Variants in CDH12 observed in about 807,000 individuals in gnomAD.
The protein encoded by CDH12 is cadherin-12.
CDH12 carries 41 observed loss-of-function variants against 74.1 expected under a neutral mutation model. The observed-to-expected ratio is 0.55, with a 90% CI of 0.43 to 0.72. The LOEUF (loss-of-function observed/expected upper bound fraction) is 0.72. CDH12 is among the 30% of genes least tolerant of loss of function. The pLI, the probability that CDH12 is intolerant of heterozygous loss-of-function variation, is 0.00. For synonymous variants in CDH12, 399 were observed against 355.0 expected (o/e 1.12, Z -1.39); for missense variants, 945 against 977.2 (o/e 0.97, Z 0.44).
intron 4 of CDH12, among the ~76,000 whole-genome samples, chr5:22,157,737 C>G (rs1748111156): frequency 1.3e-5 from 2 of 151,644 alleles, no homozygotes; most frequent in African/African-American, 2.4e-5. Context: ...AAATAAAAAC[C>G]AAGGAGGCAA....
chr5:22,645,656 A>G (rs1227961947), intron 1 of CDH12, among the ~76,000 whole-genome samples: 1 of 152,036 alleles, frequency 6.6e-6, no homozygotes, highest in Non-Finnish European at 1.5e-5. Flanking sequence ...ATCAAATAGC[A>G]TCATATGCTA....
At chr5:22,272,295 C>T (rs981622792) in intron 3 of CDH12, among the ~76,000 whole-genome samples, 3 of 152,166 alleles carry the variant, frequency 2.0e-5, no homozygotes, top group Non-Finnish European at 2.9e-5. Context: ...TTCCTAACCT[C>T]TCACAGAACT....
At chr5:21,854,886 A>T in intron 6 of CDH12, 96 bp from the exon 7 acceptor site, 3 of 1,141,084 alleles carry the variant, frequency 2.6e-6, no homozygotes, top group Middle Eastern at 4.1e-4. Context: ...TTGGTATTTG[A>T]CCTACGTCAA....
intron 1 of CDH12, among the ~76,000 whole-genome samples, chr5:22,746,161 T>C (rs1036706072): frequency 2.0e-5 from 3 of 152,138 alleles, no homozygotes; most frequent in East Asian, 1.9e-4. Context: ...AGACAATTGG[T>C]ATATATAGAA....
At chr5:22,181,719 ATCTG>A (rs1277134875) in intron 4 of CDH12, among the ~76,000 whole-genome samples, 1 of 151,894 alleles carries the variant, frequency 6.6e-6, no homozygotes, top group Non-Finnish European at 1.5e-5. Context: ...TTCCATCAAT[ATCTG>A]TCTTTTTTCT....
chr5:22,454,187 C>A (rs914324108), intron 2 of CDH12, among the ~76,000 whole-genome samples: 1 of 152,048 alleles, frequency 6.6e-6, no homozygotes, highest in East Asian at 1.9e-4. Flanking sequence ...CATTAGAAAT[C>A]AAAAATCTTC....
At chr5:22,308,021 C>T (rs1264297514) in intron 3 of CDH12, among the ~76,000 whole-genome samples, 3 of 151,398 alleles carry the variant, frequency 2.0e-5, no homozygotes, top group Non-Finnish European at 4.4e-5. Context: ...GCTGGGACTA[C>T]AGGCGCCCGC....
chr5:21,783,043 T>C (rs530641821), intron 11 of CDH12, among the ~76,000 whole-genome samples: 4 of 152,198 alleles, frequency 2.6e-5, no homozygotes, highest in African/African-American at 7.2e-5. Context: ...TACCCAATGA[T>C]ATGTAAAAGG....
intron 6 of CDH12, among the ~76,000 whole-genome samples, chr5:21,879,274 A>G (rs1253314790): frequency 1.3e-5 from 2 of 149,652 alleles, no homozygotes; most frequent in African/African-American, 2.6e-5. Context: ...ATTTCATAGG[A>G]TAACAGTTTA....
chr5:22,847,989 T>C (rs983846251), intron 1 of CDH12, among the ~76,000 whole-genome samples: 3 of 152,144 alleles, frequency 2.0e-5, no homozygotes, highest in African/African-American at 7.2e-5. Flanking sequence ...GTTCAAGTGA[T>C]TCTCCTGCCT....
intron 7 of CDH12, among the ~76,000 whole-genome samples, chr5:21,852,978 C>T (rs938766171): frequency 6.6e-6 from 1 of 151,396 alleles, no homozygotes; most frequent in Non-Finnish European, 1.5e-5. Context: ...AGATAATTTC[C>T]TTTATTATTT....
intron 1 of CDH12, among the ~76,000 whole-genome samples, chr5:22,545,998 A>C (rs927872344): frequency 6.6e-6 from 1 of 151,980 alleles, no homozygotes; most frequent in Non-Finnish European, 1.5e-5. Flanking sequence ...GGGCTGGAAT[A>C]CAATGGCACA....
intron 5 of CDH12, among the ~76,000 whole-genome samples, chr5:22,061,558 G>A (rs955158517): frequency 1.3e-5 from 2 of 152,042 alleles, no homozygotes; most frequent in African/African-American, 4.8e-5. Context: ...CTATTTTTCT[G>A]TGTTATCTGT....
chr5:21,893,958 C>T (rs1022922888), intron 6 of CDH12, among the ~76,000 whole-genome samples: 10 of 152,200 alleles, frequency 6.6e-5, no homozygotes, highest in African/African-American at 1.7e-4. Flanking sequence ...ATTAATTATT[C>T]GCTGAAGAAA....
At chr5:22,068,101 T>G (rs1256180474) in intron 5 of CDH12, among the ~76,000 whole-genome samples, 1 of 152,168 alleles carries the variant, frequency 6.6e-6, no homozygotes, top group African/African-American at 2.4e-5. Flanking sequence ...GAGCTGCTTA[T>G]CATGAACCAT....
intron 4 of CDH12, among the ~76,000 whole-genome samples, chr5:22,160,323 C>T (rs1474029322): frequency 7.2e-5 from 11 of 152,158 alleles, no homozygotes; most frequent in Non-Finnish European, 1.3e-4. Flanking sequence ...CCAAGGGACA[C>T]TGTGGTATCT....
At chr5:22,698,735 A>AGTGTGTGT (rs374493879) in intron 1 of CDH12, among the ~76,000 whole-genome samples, 10 of 14,522 alleles carry the variant, frequency 6.9e-4, no homozygotes, top group African/African-American at 2.5e-3. Flanking sequence ...ATATATATAT[A>AGTGTGTGT]GTGTGTGTGT....
At chr5:21,921,533 G>A (rs1359011719) in intron 6 of CDH12, among the ~76,000 whole-genome samples, 1 of 152,110 alleles carries the variant, frequency 6.6e-6, no homozygotes, top group East Asian at 1.9e-4. Flanking sequence ...AAATGTTAGA[G>A]ACCATTACCA....
intron 1 of CDH12, among the ~76,000 whole-genome samples, chr5:22,756,353 A>T (rs1347625892): frequency 6.6e-6 from 1 of 152,130 alleles, no homozygotes; most frequent in Non-Finnish European, 1.5e-5. Context: ...TTTAGTTAGG[A>T]ATGACACACT....
Sources: allele counts gnomAD v4.1 joint callset (sites outside exome capture counted in the v4.1 genomes callset), GRCh38; gene constraint gnomAD v4.1.1; transcripts MANE v1.5; gene names NCBI Gene and HGNC (gene_info 2026-07-23, HGNC 2026-07-21).